Variants in RCL1 observed in about 807,000 individuals in gnomAD.
RCL1 encodes RNA terminal phosphate cyclase like 1.
A neutral mutation model predicts 42.4 loss-of-function variants in RCL1; 24 were observed. The ratio of observed to expected loss-of-function variants is 0.57; its 90% CI spans 0.41 to 0.80. The LOEUF (loss-of-function observed/expected upper bound fraction) is 0.80. Ranked by LOEUF, RCL1 falls within the 30% of genes least tolerant of loss-of-function variation. The pLI, the probability that RCL1 is intolerant of heterozygous loss-of-function variation, is 0.00. For synonymous variants in RCL1, 228 were observed against 177.3 expected (o/e 1.29, Z -2.27); for missense variants, 578 against 467.9 (o/e 1.24, Z -2.17).
In RCL1 at chr9:4,843,409, G is replaced by A. The variant is rs185791078; in HGVS notation, c.711-1116G>A. On this transcript the variant is annotated intron_variant, in intron 6 of 8. Coordinates refer to ENST00000381750, the MANE Select transcript of RCL1 (RefSeq NM_005772.5). Reference sequence around the variant, plus strand: ...TTTTCTTAATTGGGTCCTTTACCAAGGAAAGCTGTGGAGGCTGGCCTTTGC... The same window carrying A: ...TTTTCTTAATTGGGTCCTTTACCAAAGAAAGCTGTGGAGGCTGGCCTTTGC... Among the ~76,000 whole-genome samples the A allele has an allele frequency of 2.7e-3, 414 of 152,028 alleles. 4 individuals are homozygous for A. Among genetic ancestry groups the A allele is most frequent in the African/African-American group, 9.5e-3 (395 of 41,450 alleles).
intron 7 of RCL1, among the ~76,000 whole-genome samples, chr9:4,849,168 ATT>A (rs34569485): frequency 0.028 from 4,070 of 143,176 alleles, 173 homozygotes; most frequent in African/African-American, 0.092. Context: ...GGAAAGTTTC[ATT>A]TTTTTTTTTT....
chr9:4,850,926 G>C (rs1817723974), intron 8 of RCL1, among the ~76,000 whole-genome samples: 1 of 152,164 alleles, frequency 6.6e-6, no homozygotes, highest in Non-Finnish European at 1.5e-5. Context: ...CACACGGTAT[G>C]AGGTATGGGG....
intron 1 of RCL1, among the ~76,000 whole-genome samples, chr9:4,802,934 C>T (rs964972206): frequency 6.6e-6 from 1 of 152,022 alleles, no homozygotes; most frequent in South Asian, 2.1e-4. Context: ...AATCCTCTTG[C>T]CTCAGCCTCC....
intron 1 of RCL1, among the ~76,000 whole-genome samples, chr9:4,799,021 CCT>C (rs1362052802): frequency 7.3e-6 from 1 of 137,026 alleles, no homozygotes; most frequent in Non-Finnish European, 1.6e-5. Flanking sequence ...TCCCTCCCTC[CCT>C]GTCTTCTTTC....
intron 3 of RCL1, among the ~76,000 whole-genome samples, chr9:4,832,641 C>G (rs936030874): frequency 2.0e-5 from 3 of 151,672 alleles, no homozygotes; most frequent in Non-Finnish European, 4.4e-5. Context: ...AACCCCGTCT[C>G]TACTAAAAAT....
rs1220539932 is a variant in RCL1, at chr9:4,793,962, C to T, written c.136+735C>T. ...ATGGTAGGTTAAAAAGAAATAGGCC[C>T]ATTTAAACCCACATCTCATTAAATG... is the stretch of plus-strand genomic sequence containing the variant. On this transcript the variant is annotated intron_variant, in intron 1 of 8. Coordinates refer to ENST00000381750, the MANE Select transcript of RCL1 (RefSeq NM_005772.5). Among the ~76,000 whole-genome samples the T allele has an allele frequency of 2.6e-5, 4 of 152,192 alleles. No homozygotes were observed. The South Asian group carries it at 6.2e-4, about 24-fold the overall frequency.
rs1373670879 is a variant in RCL1, at chr9:4,819,792, C to T, written c.137-3756C>T. ...ACTGCACTCCAGCCTGGTGACAGAG[C>T]GAGACTCCGTCTCAAAAACAAAACA... On this transcript the variant is annotated intron_variant, in intron 1 of 8. Transcript: ENST00000381750. Among the ~76,000 whole-genome samples the T allele has an allele frequency of 3.3e-5, 5 of 152,294 alleles. No individual in the cohort carries two copies. In the South Asian group the frequency reaches 8.3e-4, roughly 25 times the overall value.
Position 4,841,357 on chromosome 9 carries a change from A to G in RCL1, c.710A>G (p.Lys237Arg), listed in dbSNP as rs759898615. The change falls in exon 6 of 9, where the codon AAG becomes AGG. Residue 237 changes from lysine (K) to arginine (R), a missense_variant and splice_region_variant. Physicochemically the swap from Lys to Arg is conservative, Grantham distance 26. Transcript: ENST00000381750. ...TDHMKGVNSG[K>R]SPGFGLSLVA... ...CACATGAAAGGAGTCAACTCTGGGA[A>G]GTAAGTATCTGTGTTTTTGAAGTCT... 6.2e-7 allele frequency: 1 copy of G among 1,610,072 alleles called. No individual in the cohort carries two copies. Among genetic ancestry groups the G allele is most frequent in the Non-Finnish European group, 8.5e-7 (1 of 1,176,606 alleles).
chr9:4,822,363 C>T (rs1198702922), intron 1 of RCL1, among the ~76,000 whole-genome samples: 1 of 152,160 alleles, frequency 6.6e-6, no homozygotes, highest in Non-Finnish European at 1.5e-5. Flanking sequence ...TGTTCATGGG[C>T]AGGAAGTTAA....
chr9:4,853,685 C>T (rs1817836523), intron 8 of RCL1, among the ~76,000 whole-genome samples: 1 of 152,196 alleles, frequency 6.6e-6, no homozygotes, highest in African/African-American at 2.4e-5. Flanking sequence ...AAGCACCTTG[C>T]CTGAGGCAGG....
intron 1 of RCL1, among the ~76,000 whole-genome samples, chr9:4,817,875 C>G (rs571404155): frequency 7.3e-6 from 1 of 137,678 alleles, no homozygotes; most frequent in South Asian, 2.3e-4. Flanking sequence ...TGTTTCATTT[C>G]TAAACTCTCA....
At chr9:4,821,754 A>G (rs1816604613) in intron 1 of RCL1, among the ~76,000 whole-genome samples, 1 of 152,190 alleles carries the variant, frequency 6.6e-6, no homozygotes, top group Non-Finnish European at 1.5e-5. Context: ...GGCTGGGACT[A>G]CAGATACACA....
At chr9:4,819,901 C>G (rs779215045) in intron 1 of RCL1, among the ~76,000 whole-genome samples, 2 of 152,078 alleles carry the variant, frequency 1.3e-5, no homozygotes, top group African/African-American at 2.4e-5. Flanking sequence ...CAAATTTGTA[C>G]AAATAAAAAA....
At chr9:4,826,770 T>A in intron 2 of RCL1, 88 bp from the exon 3 acceptor site, 1 of 1,196,436 alleles carries the variant, frequency 8.4e-7, no homozygotes, top group African/African-American at 1.5e-5. Context: ...CTTGTCAGGC[T>A]TTCCCCTTGG....
At chr9:4,827,968 T>G (rs1816821131) in intron 3 of RCL1, among the ~76,000 whole-genome samples, 1 of 151,848 alleles carries the variant, frequency 6.6e-6, no homozygotes, top group African/African-American at 2.4e-5. Context: ...GGGCAGATCA[T>G]GAGGTCAGGA....
rs7874244 is a variant in RCL1 at position 4,847,570 on chromosome 9, T to A, written c.868-1877T>A. Among the ~76,000 whole-genome samples the A allele has an allele frequency of 2.0e-5, 3 of 152,122 alleles. No homozygotes were observed. The East Asian group carries it at 5.8e-4, about 29-fold the overall frequency. ...TCCCTGCTCCACTCCACAACTGGATTATGGCCACTGGCTCTCTGCATTTCT... is the reference window on the plus strand; with the variant it reads ...TCCCTGCTCCACTCCACAACTGGATAATGGCCACTGGCTCTCTGCATTTCT... On this transcript the variant is annotated intron_variant, in intron 7 of 8. Transcript: ENST00000381750.
chr9:4,816,042 G>T (rs535600230), intron 1 of RCL1, among the ~76,000 whole-genome samples: 2 of 152,246 alleles, frequency 1.3e-5, no homozygotes, highest in South Asian at 2.1e-4. Flanking sequence ...TCAGTTATTT[G>T]TGTTAAAGTC....
chr9:4,836,648 G>C lies in RCL1; in HGVS notation c.584+2383G>C, dbSNP rs7860874. The C allele has an allele frequency of 8.4e-3, 1,273 of 152,012 alleles. 13 individuals carry two copies. Among genetic ancestry groups the C allele is most frequent in the Middle Eastern group, 0.017 (5 of 294 alleles). 9.4% of individuals were successfully genotyped at this position (152,012 alleles called of 1,614,324 possible). On this transcript the variant is annotated intron_variant, in intron 5 of 8. Transcript: ENST00000381750. ...GACCAGAAAGCCTGCTTGTCAGGGCGGGGGTGGGTGCTTAAGGTCGGGTTT... is the reference window on the plus strand; with the variant it reads ...GACCAGAAAGCCTGCTTGTCAGGGCCGGGGTGGGTGCTTAAGGTCGGGTTT...
chr9:4,850,854 A>T (rs34682124), intron 8 of RCL1, among the ~76,000 whole-genome samples: 5,327 of 152,108 alleles, frequency 0.035, 148 homozygotes, highest in Non-Finnish European at 0.052. Context: ...CCGGCTTTGT[A>T]GCTGGGCTCG....
Sources: allele counts gnomAD v4.1 joint callset (sites outside exome capture counted in the v4.1 genomes callset), GRCh38; gene constraint gnomAD v4.1.1; transcripts MANE v1.5; gene names NCBI Gene and HGNC (gene_info 2026-07-23, HGNC 2026-07-21).